The following CDH23 variants were observed in gnomAD, a reference collection of about 807,000 sequenced individuals.
CDH23 encodes cadherin related 23.
Under a neutral mutation model 317.1 loss-of-function variants are expected in CDH23, and 189 were observed. The ratio of observed to expected loss-of-function variants is 0.60; its 90% CI spans 0.53 to 0.67. The LOEUF (loss-of-function observed/expected upper bound fraction) is 0.67. Ranked by LOEUF, CDH23 falls within the 30% of genes least tolerant of loss-of-function variation. The pLI, the probability that CDH23 is intolerant of heterozygous loss-of-function variation, is 0.00. For missense variants in CDH23, 4,401 were observed against 4,592.4 expected, an observed-to-expected ratio of 0.96 and a Z score of 1.20; for synonymous variants, 1,839 against 1,876.8, an observed-to-expected ratio of 0.98 and a Z score of 0.52.
chr10:71,731,852 G>A, intron 31 of CDH23, 135 bp from the exon 32 acceptor site: 1 of 836,448 alleles, frequency 1.2e-6, no homozygotes, highest in Non-Finnish European at 1.9e-6. Context: ...CTCTGAGGAT[G>A]ATCCTGCCGG....
chr10:71,715,384 TG>T (rs1866163335), intron 28 of CDH23: 1 of 152,266 alleles, frequency 6.6e-6, no homozygotes, highest in South Asian at 2.1e-4. Context: ...GGGAGGCAGC[TG>T]CTCCCACAGG....
chr10:71,412,744 A>C (rs913671065), intron 1 of CDH23, among the ~76,000 whole-genome samples: 4 of 152,078 alleles, frequency 2.6e-5, no homozygotes, highest in African/African-American at 9.7e-5. Flanking sequence ...TTTGATTTGC[A>C]TTTCCCTAAT....
At chr10:71,533,525 C>CCCCACACACACACACA (rs1249775933) in intron 6 of CDH23, among the ~76,000 whole-genome samples, 5 of 130,752 alleles carry the variant, frequency 3.8e-5, no homozygotes, top group African/African-American at 1.2e-4. Flanking sequence ...TGGCTGGACA[C>CCCCACACACACACACA]CACACACACA....
Position 71,797,231 on chromosome 10 carries a change from C to G in CDH23, c.6829+11C>G, listed in dbSNP as rs536267259. 6.4e-7 allele frequency: 1 copy of G among 1,573,708 alleles called. No individual in the cohort carries two copies. The highest frequency in any genetic ancestry group is 2.3e-5 in the East Asian group (1 of 44,426). On this transcript the variant is annotated intron_variant, in intron 49 of 69. Transcript: ENST00000224721. ...TCAGTGTGCCAAATGGTAAGGTTCCCTGCAGACATCTCTCATTGGTCACTC... is the reference window on the plus strand; with the variant it reads ...TCAGTGTGCCAAATGGTAAGGTTCCGTGCAGACATCTCTCATTGGTCACTC...
intron 1 of CDH23, among the ~76,000 whole-genome samples, chr10:71,412,717 T>G (rs1370099366): frequency 6.6e-6 from 1 of 152,222 alleles, no homozygotes; most frequent in Non-Finnish European, 1.5e-5. Context: ...GGGTGTGAAG[T>G]GGTATCTCAC....
intron 30 of CDH23, among the ~76,000 whole-genome samples, chr10:71,727,628 T>C (rs1866874923): frequency 6.6e-6 from 1 of 152,082 alleles, no homozygotes; most frequent in Non-Finnish European, 1.5e-5. Context: ...ACAGTCCCCT[T>C]AGAGACTGGG....
At chr10:71,488,738 A>G (rs1041460454) in intron 3 of CDH23, among the ~76,000 whole-genome samples, 8 of 152,226 alleles carry the variant, frequency 5.3e-5, no homozygotes, top group Non-Finnish European at 4.4e-5. Context: ...TACATTGTTC[A>G]CCTGAACTTC....
At chr10:71,761,773 G>A (rs1346708628) in intron 38 of CDH23, 1 of 1,614,164 alleles carries the variant, frequency 6.2e-7, no homozygotes, top group East Asian at 2.2e-5. Context: ...GCTGAGCCAG[G>A]TCGTGGCTGG....
At chr10:71,687,551 C>A in intron 18 of CDH23, 96 bp from the exon 19 acceptor site, 2 of 1,113,300 alleles carry the variant, frequency 1.8e-6, no homozygotes, top group Non-Finnish European at 2.7e-6. Context: ...TTAGGGCCAG[C>A]CAGACCTAGC....
intron 1 of CDH23, among the ~76,000 whole-genome samples, chr10:71,425,218 G>A (rs113820047): frequency 0.016 from 1,191 of 76,068 alleles, 15 homozygotes; most frequent in African/African-American, 0.055. Context: ...TCACAGTGGG[G>A]CAGAGAGAGA....
intron 24 of CDH23, among the ~76,000 whole-genome samples, chr10:71,704,213 T>C (rs1865695223): frequency 1.3e-5 from 2 of 152,328 alleles, no homozygotes; most frequent in South Asian, 4.1e-4. Context: ...CTTGGCTTAA[T>C]CCAAAACTCT....
At chr10:71,688,975 G>A (rs1198478690) in intron 19 of CDH23, among the ~76,000 whole-genome samples, 4 of 3,994 alleles carry the variant, frequency 1.0e-3, no homozygotes, top group African/African-American at 2.0e-3. Context: ...GTGGAGTCCA[G>A]GGGTGGTGGA....
chr10:71,807,403 G>A lies in CDH23; in HGVS notation c.8305G>A (p.Ala2769Thr), dbSNP rs545041688. 1.7e-5 allele frequency: 27 copies of A among 1,613,840 alleles called. No homozygotes were observed. The highest frequency in any genetic ancestry group is 3.3e-4 in the Middle Eastern group (2 of 6,062). The change falls in exon 58 of 70, where the codon GCA becomes ACA. Residue 2769 changes from alanine to threonine, a missense_variant. Coordinates refer to ENST00000224721, the MANE Select transcript of CDH23 (RefSeq NM_022124.6). The part of the protein sequence containing the change: ...GPNAIVYYFI[A>T]AGNEEKNFHL... ...CAACGCGATCGTGTACTACTTCATC[G>A]CAGGTGGGGCCAGACAGAGCTAGTG...
rs912184627 is a variant in CDH23 at position 71,687,580 on chromosome 10, C to T, written c.1987-67C>T. On this transcript the variant is annotated intron_variant, in intron 18 of 69. Transcript: ENST00000224721. ...ACCTAGCCTGACTCCTTGGTGCCCA[C>T]CTTAGACATCTGGCCAGCCCACCTG... 3 of 1,449,396 alleles carry T rather than the reference C, an allele frequency of 2.1e-6. No homozygotes were observed. In the African/African-American group the frequency reaches 4.2e-5, roughly 20 times the overall value. 89.8% of individuals were successfully genotyped at this position (1,449,396 alleles called of 1,614,324 possible).
intron 38 of CDH23, among the ~76,000 whole-genome samples, chr10:71,768,477 T>C (rs1217083717): frequency 1.3e-5 from 2 of 151,410 alleles, no homozygotes; most frequent in Non-Finnish European, 2.9e-5. Context: ...GGCCGTTTGG[T>C]TGGTTTTCTT....
At chr10:71,427,188 A>G (rs1849116744) in intron 1 of CDH23, among the ~76,000 whole-genome samples, 1 of 108,812 alleles carries the variant, frequency 9.2e-6, no homozygotes, top group Non-Finnish European at 1.9e-5. Flanking sequence ...GGAAGGAAGG[A>G]AGGAAAGAGA....
At chr10:71,570,253 G>T (rs911220529) in intron 7 of CDH23, among the ~76,000 whole-genome samples, 22 of 152,192 alleles carry the variant, frequency 1.4e-4, no homozygotes, top group African/African-American at 5.3e-4. Flanking sequence ...ACTCATGAAT[G>T]CAGGGACACA....
intron 38 of CDH23, among the ~76,000 whole-genome samples, chr10:71,746,202 G>T (rs939780591): frequency 1.3e-5 from 2 of 152,212 alleles, no homozygotes; most frequent in African/African-American, 4.8e-5. Flanking sequence ...GCCAGGGCAG[G>T]TTTTCTGGAG....
chr10:71,768,315 C>T (rs1426527057), intron 38 of CDH23, among the ~76,000 whole-genome samples: 1 of 152,142 alleles, frequency 6.6e-6, no homozygotes, highest in East Asian at 1.9e-4. Flanking sequence ...GGACTACAGG[C>T]ACCCGCCACC....
Sources: allele counts gnomAD v4.1 joint callset (sites outside exome capture counted in the v4.1 genomes callset), GRCh38; gene constraint gnomAD v4.1.1; transcripts MANE v1.5; gene names NCBI Gene and HGNC (gene_info 2026-07-23, HGNC 2026-07-21).